WIPF1: variants seen among roughly 807,000 people sequenced by gnomAD.
WIPF1 encodes the protein WAS/WASL-interacting protein family member 1.
Under a neutral mutation model 35.4 loss-of-function variants are expected in WIPF1, and 13 were observed. That is an observed-to-expected ratio of 0.37 (90% CI 0.24 to 0.58). The LOEUF (loss-of-function observed/expected upper bound fraction) is 0.58. WIPF1 is among the 20% of genes least tolerant of loss of function. The pLI, the probability that WIPF1 is intolerant of heterozygous loss-of-function variation, is 0.74. For synonymous variants in WIPF1, 267 were observed against 266.3 expected (o/e 1.00, Z -0.02); for missense variants, 591 against 667.0 (o/e 0.89, Z 1.25).
At chr2:174,650,335 T>A (rs1687508933) in intron 1 of WIPF1, among the ~76,000 whole-genome samples, 1 of 152,228 alleles carries the variant, frequency 6.6e-6, no homozygotes, top group Non-Finnish European at 1.5e-5. Flanking sequence ...GAATCCCTCA[T>A]TCTCAAAATC....
chr2:174,586,201 TG>T (rs893518965), intron 1 of WIPF1, among the ~76,000 whole-genome samples: 1 of 152,006 alleles, frequency 6.6e-6, no homozygotes, highest in Non-Finnish European at 1.5e-5. Flanking sequence ...GGTGGACGTG[TG>T]GGGGGTCAAC....
Position 174,571,751 on chromosome 2 carries a change from C to T in WIPF1, c.1054G>A (p.Gly352Arg). Residue 352 changes from glycine (G) to arginine (R), a missense_variant, in exon 5 of 8, where the codon GGA becomes AGA. Gly to Arg is a moderately radical substitution (Grantham distance 125, BLOSUM62 -2). Around this residue, in one of 3 missense-constraint regions of WIPF1, gnomAD observed 471 missense variants for 501.1 expected, o/e 0.94. Coordinates refer to ENST00000679041, the MANE Select transcript of WIPF1 (RefSeq NM_001375834.1). The surrounding 1 kb of genome is among the most constrained non-coding windows in gnomAD (Gnocchi z 4.6). Reference sequence around the variant, plus strand: ...GGGGGAGGAAGAGGACCTGAACGTCCTGGCGAAGGTAACGGGGGCGTGGAC... The same window carrying T: ...GGGGGAGGAAGAGGACCTGAACGTCTTGGCGAAGGTAACGGGGGCGTGGAC... ...SSSTPPLPSP[G>R]RSGPLPPPPS... 6.2e-7 allele frequency: 1 copy of T among 1,614,192 alleles called. No individual in the cohort carries two copies.
intron 1 of WIPF1, among the ~76,000 whole-genome samples, chr2:174,613,042 T>G (rs753010117): frequency 1.3e-5 from 2 of 152,238 alleles, no homozygotes; most frequent in Non-Finnish European, 2.9e-5. Flanking sequence ...TTCTATCCCA[T>G]GCTGGGAGGA....
intron 1 of WIPF1, among the ~76,000 whole-genome samples, chr2:174,640,841 T>C (rs1043961786): frequency 1.1e-4 from 16 of 152,114 alleles, no homozygotes; most frequent in African/African-American, 3.9e-4. Context: ...CCCAAAGCAA[T>C]CTACAGATTT....
intron 1 of WIPF1, among the ~76,000 whole-genome samples, chr2:174,670,312 T>C (rs1389029362): frequency 6.6e-6 from 1 of 152,184 alleles, no homozygotes; most frequent in Admixed American, 6.5e-5. Flanking sequence ...TTCCTCTCCC[T>C]GTCTGTGTTG....
At chr2:174,600,661 T>C (rs1485805580), upstream of WIPF1, among the ~76,000 whole-genome samples, 1 of 152,244 alleles carries the variant, frequency 6.6e-6, no homozygotes, top group Non-Finnish European at 1.5e-5. Context: ...TTTTCTTTTA[T>C]GCATAGCATG....
chr2:174,635,529 G>GTTTTTTTTTTTTTT (rs1197924942), intron 1 of WIPF1, among the ~76,000 whole-genome samples: 4 of 115,618 alleles, frequency 3.5e-5, no homozygotes, highest in Non-Finnish European at 5.1e-5. Context: ...CCTTCTGTTT[G>GTTTTTTTTTTTTTT]TTTTTTTTTT....
intron 1 of WIPF1, chr2:174,655,594 G>T (rs1036155919): frequency 2.6e-5 from 4 of 152,108 alleles, no homozygotes; most frequent in Admixed American, 6.5e-5. Flanking sequence ...TGTTTTTCTG[G>T]TCTCTTGGCC....
chr2:174,589,158 C>T (rs746459646), intron 1 of WIPF1, among the ~76,000 whole-genome samples: 2 of 152,218 alleles, frequency 1.3e-5, no homozygotes, highest in African/African-American at 2.4e-5. Context: ...CTGGGCCCAC[C>T]GGCCACACCA....
At chr2:174,604,805 C>T (rs2358890) in intron 1 of WIPF1, among the ~76,000 whole-genome samples, 73,268 of 151,870 alleles carry the variant, frequency 0.48, 18,589 homozygotes, top group East Asian at 0.92. Context: ...TTTCAACATT[C>T]GGGATTATGG....
intron 1 of WIPF1, among the ~76,000 whole-genome samples, chr2:174,597,305 A>T (rs958578619): frequency 2.0e-5 from 3 of 152,218 alleles, no homozygotes; most frequent in Non-Finnish European, 4.4e-5. Flanking sequence ...ATTTACCGAC[A>T]TAAGCCCCCA....
intron 1 of WIPF1, among the ~76,000 whole-genome samples, chr2:174,667,234 G>A (rs1056780141): frequency 6.6e-6 from 1 of 152,172 alleles, no homozygotes; most frequent in Non-Finnish European, 1.5e-5. Flanking sequence ...TACCAAGTAC[G>A]GCACCCTCTT....
In WIPF1 at chr2:174,578,682, A is replaced by G. The variant is rs555535737; in HGVS notation, c.181+2628T>C. Among the ~76,000 whole-genome samples the G allele has an allele frequency of 3.3e-5, 5 of 152,240 alleles. No homozygotes were observed. The South Asian group carries it at 6.2e-4, about 19-fold the overall frequency. Reference sequence around the variant, plus strand: ...TATTTCCATTTTCTGGATTAGGTTTATCATAAATTTGTGTTAGTTCTGTAT... The same window carrying G: ...TATTTCCATTTTCTGGATTAGGTTTGTCATAAATTTGTGTTAGTTCTGTAT... On this transcript the variant is annotated intron_variant, in intron 3 of 7. Coordinates refer to ENST00000679041, the MANE Select transcript of WIPF1 (RefSeq NM_001375834.1).
At position 174,560,051 on chromosome 2, in the gene WIPF1, T is replaced by G. The variant is rs3087907; in HGVS notation, c.*2496A>C. On this transcript the variant is annotated 3_prime_UTR_variant, in exon 8 of 8. Coordinates refer to ENST00000679041, the MANE Select transcript of WIPF1 (RefSeq NM_001375834.1). ...TCAATATAAAATAAGAGGTGAATGT[T>G]AAAATACTGTATTACATGTTGAATA... The G allele has an allele frequency of 0.46, 70,567 of 152,404 alleles. 18,073 individuals are homozygous for G. The highest frequency in any genetic ancestry group is 0.85 in the East Asian group (4,414 of 5,180). The allele number at this position is 152,404 out of a possible 1,614,324, so 9.4% of individuals were successfully genotyped here.
rs1237680172 is a variant in WIPF1 at position 174,585,581 on chromosome 2, A to G, written c.-8T>C. 1.2e-6 allele frequency: 2 copies of G among 1,612,472 alleles called. No homozygotes were observed. Among genetic ancestry groups the G allele is most frequent in the South Asian group, 2.2e-5 (2 of 90,940 alleles). ...AGGGGGAGGGACAGGCATCTTGGGC[A>G]GTTATGCGTTCAACAGTCTTGCTGA... is the stretch of plus-strand genomic sequence containing the variant. On this transcript the variant is annotated 5_prime_UTR_variant, in exon 2 of 8. Transcript: ENST00000679041.
intron 2 of WIPF1, among the ~76,000 whole-genome samples, chr2:174,584,947 T>TTCAGGAAATAAACATC (rs1685357095): frequency 6.6e-6 from 1 of 151,912 alleles, no homozygotes; most frequent in Non-Finnish European, 1.5e-5. Flanking sequence ...AAGAAATTCT[T>TTCAGGAAATAAACATC]TCAGGAAATA....
chr2:174,681,022 A>G (rs1353489153), intron 1 of WIPF1, among the ~76,000 whole-genome samples: 1 of 152,234 alleles, frequency 6.6e-6, no homozygotes, highest in African/African-American at 2.4e-5. Context: ...AAATAGAAGG[A>G]GGCATGAATC....
chr2:174,671,431 G>A (rs7568735), intron 1 of WIPF1, among the ~76,000 whole-genome samples: 5,132 of 152,250 alleles, frequency 0.034, 277 homozygotes, highest in African/African-American at 0.11. Context: ...TGTAAAGCAT[G>A]TGTGTTTAAA....
chr2:174,600,839 G>A (rs942627087), upstream of WIPF1, among the ~76,000 whole-genome samples: 17 of 137,042 alleles, frequency 1.2e-4, no homozygotes, highest in African/African-American at 4.6e-4. Context: ...TAATGCAGGT[G>A]TTTGAAAATA....
Sources: gnomAD v4.1 joint callset for allele counts (sites outside exome capture counted in the v4.1 genomes callset) on GRCh38, gnomAD v4.1.1 for gene constraint, gnomAD v4.1.1 regional missense constraint, Gnocchi (gnomAD v3.1) non-coding constraint, MANE v1.5 for transcripts, NCBI Gene and HGNC (gene_info 2026-07-23, HGNC 2026-07-21) for gene names.